NRXN3: variants seen among roughly 807,000 people sequenced by gnomAD.
NRXN3 encodes neurexin III.
NRXN3 carries 32 observed loss-of-function variants against 137.6 expected under a neutral mutation model. That is an observed-to-expected ratio of 0.23 (90% confidence interval 0.18 to 0.31). The LOEUF (loss-of-function observed/expected upper bound fraction) is 0.31. Ranked by LOEUF, NRXN3 falls within the 10% of genes least tolerant of loss-of-function variation. The probability of loss-of-function intolerance (pLI) is 1.00; values close to 1 mark genes in which losing one functional copy is unlikely to be tolerated. For missense variants in NRXN3, 1,574 were observed against 2,062.5 expected (o/e 0.76, Z 4.59); for synonymous variants, 798 against 784.5 (o/e 1.02, Z -0.29).
At chr14:79,130,213 C>T (rs2057244788) in intron 15 of NRXN3, among the ~76,000 whole-genome samples, 1 of 150,922 alleles carries the variant, frequency 6.6e-6, no homozygotes, top group Non-Finnish European at 1.5e-5. Context: ...GAATTTGATC[C>T]TGTCATTATG....
At chr14:78,532,511 G>A (rs547357543) in intron 4 of NRXN3, among the ~76,000 whole-genome samples, 10 of 150,562 alleles carry the variant, frequency 6.6e-5, no homozygotes, top group Middle Eastern at 3.4e-3. Flanking sequence ...TCTCATTCAA[G>A]ACCAGTTCCT....
intron 19 of NRXN3, among the ~76,000 whole-genome samples, chr14:79,770,908 AT>A (rs1316760838): frequency 6.6e-6 from 1 of 152,152 alleles, no homozygotes; most frequent in Non-Finnish European, 1.5e-5. Context: ...AGAGAGAAGA[AT>A]CAAATAGATG....
At chr14:79,740,589 G>C (rs2098957551) in intron 19 of NRXN3, among the ~76,000 whole-genome samples, 1 of 150,346 alleles carries the variant, frequency 6.7e-6, no homozygotes, top group African/African-American at 2.5e-5. Context: ...TCTCCACCCT[G>C]ACAATAGATA....
At chr14:79,457,047 TA>T (rs879869277) in intron 15 of NRXN3, among the ~76,000 whole-genome samples, 2,992 of 132,168 alleles carry the variant, frequency 0.023, 15 homozygotes, top group African/African-American at 0.035. Flanking sequence ...GTTCCAGGTT[TA>T]AAAAAAAAAA....
Position 78,367,114 on chromosome 14 carries a change from G to A in NRXN3, c.757+69254G>A, listed in dbSNP as rs1319727099. ...CAATTTCAGCTACTTTATTTTAAAT[G>A]TGCTGGAAACTTCTGTTCTCTGAAT... On this transcript the variant is annotated intron_variant, in intron 4 of 20. Transcript: ENST00000335750. 2.0e-5 allele frequency among the ~76,000 whole-genome samples: 3 copies of A among 152,292 alleles called. No individual in the cohort carries two copies. The East Asian group carries it at 5.8e-4, about 29-fold the overall frequency.
intron 4 of NRXN3, among the ~76,000 whole-genome samples, chr14:78,439,080 C>T (rs1480962100): frequency 6.6e-6 from 1 of 151,708 alleles, no homozygotes; most frequent in Non-Finnish European, 1.5e-5. Flanking sequence ...ATGGTTGGCA[C>T]GGGGTTGTTT....
intron 1 of NRXN3, among the ~76,000 whole-genome samples, chr14:78,176,136 T>C (rs2153336419): frequency 6.6e-6 from 1 of 152,282 alleles, no homozygotes; most frequent in South Asian, 2.1e-4. Context: ...AGGGTGGACT[T>C]TGCCTCTGGT....
At chr14:79,357,732 C>T (rs2093476713) in intron 15 of NRXN3, among the ~76,000 whole-genome samples, 1 of 152,006 alleles carries the variant, frequency 6.6e-6, no homozygotes, top group South Asian at 2.1e-4. Flanking sequence ...ATATACATAC[C>T]TTTAGAAGGA....
At position 79,862,097 on chromosome 14, in the gene NRXN3, T is replaced by C; in HGVS notation, c.*133T>C. Reference sequence around the variant, plus strand: ...ATGGGGTATATAACCACGACTCTGGTGGGGAAAACCGTTTTTTAAAGGACA... The same window carrying C: ...ATGGGGTATATAACCACGACTCTGGCGGGGAAAACCGTTTTTTAAAGGACA... On this transcript the variant is annotated 3_prime_UTR_variant, in exon 21 of 21. Transcript: ENST00000335750. 1.3e-6 allele frequency: 1 copy of C among 758,194 alleles called. No homozygotes were observed. The highest frequency in any genetic ancestry group is 2.9e-5 in the Admixed American group (1 of 34,710). 47.0% of individuals were successfully genotyped at this position (758,194 alleles called of 1,614,324 possible).
chr14:79,817,999 A>T (rs1468691337), intron 20 of NRXN3, among the ~76,000 whole-genome samples: 1 of 143,542 alleles, frequency 7.0e-6, no homozygotes, highest in Non-Finnish European at 1.5e-5. Flanking sequence ...CACTTATGTG[A>T]GGTGAGTCTC....
intron 4 of NRXN3, among the ~76,000 whole-genome samples, chr14:78,612,405 G>A (rs981097133): frequency 6.6e-6 from 1 of 152,156 alleles, no homozygotes; most frequent in African/African-American, 2.4e-5. Context: ...TCTGTAGAAG[G>A]TACAGTATGA....
intron 15 of NRXN3, among the ~76,000 whole-genome samples, chr14:79,028,821 G>A (rs1296283062): frequency 6.6e-6 from 1 of 152,100 alleles, no homozygotes; most frequent in Non-Finnish European, 1.5e-5. Flanking sequence ...CATAGCCTCC[G>A]TGCTGCATAC....
chr14:79,783,420 A>T (rs2099120067), intron 19 of NRXN3, among the ~76,000 whole-genome samples: 1 of 152,176 alleles, frequency 6.6e-6, no homozygotes, highest in South Asian at 2.1e-4. Context: ...AGAGAGCTTG[A>T]TTTACAATGG....
At chr14:78,745,133 T>C (rs553421145) in intron 8 of NRXN3, 1 of 152,244 alleles carries the variant, frequency 6.6e-6, no homozygotes, top group South Asian at 2.1e-4. Flanking sequence ...CTTTTCCTTT[T>C]TGTAGAGAAG....
At chr14:78,303,232 A>G (rs1191256104) in intron 4 of NRXN3, among the ~76,000 whole-genome samples, 1 of 151,980 alleles carries the variant, frequency 6.6e-6, no homozygotes, top group African/African-American at 2.4e-5. Flanking sequence ...AAAAATACAT[A>G]TATTTCATTT....
In NRXN3 at chr14:78,436,888, T is replaced by A. The variant is rs78096346; in HGVS notation, c.757+139028T>A. 1.0e-3 allele frequency among the ~76,000 whole-genome samples: 154 copies of A among 152,336 alleles called. 3 individuals carry two copies. In the East Asian group the frequency reaches 0.026, roughly 26 times the overall value. ...AGGGCAACATGCTCAGTGCTTCCTG[T>A]GGGTTATTTCATGTAATATCCATGA... On this transcript the variant is annotated intron_variant, in intron 4 of 20. Transcript: ENST00000335750.
intron 4 of NRXN3, among the ~76,000 whole-genome samples, chr14:78,503,878 C>T (rs922514152): frequency 4.6e-5 from 7 of 152,106 alleles, no homozygotes; most frequent in Non-Finnish European, 7.4e-5. Flanking sequence ...GACTGACTTG[C>T]GTGATAAGTT....
intron 4 of NRXN3, among the ~76,000 whole-genome samples, chr14:78,381,837 G>A (rs2089182458): frequency 6.6e-6 from 1 of 152,012 alleles, no homozygotes; most frequent in African/African-American, 2.4e-5. Context: ...TTCCCCAAAG[G>A]GTACATATTA....
In NRXN3 at chr14:79,050,753, G is replaced by T. The variant is rs558698873; in HGVS notation, c.3262+62612G>T. On this transcript the variant is annotated intron_variant, in intron 15 of 20. Transcript: ENST00000335750. ...TCTCTCCCAGCTCCCCTGACTGCCG[G>T]CCTCAAGCCCCTGCCTCCACAGACT... is the stretch of plus-strand genomic sequence containing the variant. Among the ~76,000 whole-genome samples, 37 of 152,244 alleles carry T rather than the reference G, an allele frequency of 2.4e-4. No homozygotes were observed. In the South Asian group the frequency reaches 7.7e-3, roughly 32 times the overall value.
Sources: allele counts gnomAD v4.1 joint callset (sites outside exome capture counted in the v4.1 genomes callset), GRCh38; gene constraint gnomAD v4.1.1; transcripts MANE v1.5; gene names NCBI Gene and HGNC (gene_info 2026-07-23, HGNC 2026-07-21).